Variants in FRMPD4 observed in about 807,000 individuals in gnomAD.
The protein encoded by FRMPD4 is FERM and PDZ domain-containing protein 4.
Under a neutral mutation model 94.1 loss-of-function variants are expected in FRMPD4, and 22 were observed. That is an observed-to-expected ratio of 0.23 (90% CI 0.17 to 0.33). The LOEUF is 0.33. FRMPD4 is among the 10% of genes least tolerant of loss of function. The probability of loss-of-function intolerance (pLI) is 1.00; values close to 1 mark genes in which losing one functional copy is unlikely to be tolerated. For synonymous variants in FRMPD4, 631 were observed against 548.6 expected (o/e 1.15, Z -2.10); for missense variants, 1,111 against 1,339.9 (o/e 0.83, Z 2.67).
intron 1 of FRMPD4, among the ~76,000 whole-genome samples, chrX:12,472,372 C>T (rs748399661): frequency 6.2e-5 from 7 of 112,171 alleles, no homozygotes; most frequent in Non-Finnish European, 1.1e-4. Flanking sequence ...TCTCCCCAAA[C>T]GTAATGATTA....
intron 3 of FRMPD4, among the ~76,000 whole-genome samples, chrX:12,093,148 C>T (rs1290606778): frequency 9.0e-6 from 1 of 111,164 alleles, no homozygotes; most frequent in Non-Finnish European, 1.9e-5. Flanking sequence ...TGGGGAACTG[C>T]CCAGACAGTA....
At chrX:11,885,091 A>G (rs1001223902) in intron 3 of FRMPD4, among the ~76,000 whole-genome samples, 2 of 112,269 alleles carry the variant, frequency 1.8e-5, no homozygotes, top group African/African-American at 3.2e-5. Context: ...TATTTACAGC[A>G]ACATCATTTA....
At chrX:11,825,689 T>C (rs942315459) in intron 1 of FRMPD4, among the ~76,000 whole-genome samples, 1 of 110,874 alleles carries the variant, frequency 9.0e-6, no homozygotes, top group African/African-American at 3.3e-5. Context: ...AGAAAAGGAG[T>C]GAAATCCAAA....
chrX:12,609,802 G>A lies in FRMPD4; in HGVS notation c.240G>A (p.Glu80=). The stretch of plus-strand genomic sequence containing the variant: ...TCCCTCCGGCTCCTCGGAAGGTGGA[G>A]ATGAGAAGGGACCCCGTGCTGGGAT... The part of the protein sequence containing the change: ...QIIPPAPRKV[E]MRRDPVLGFG... The change falls in exon 3 of 17, where the codon GAG becomes GAA. Residue 80 remains glutamate (E), a synonymous_variant. Coordinates refer to ENST00000675598, the MANE Select transcript of FRMPD4 (RefSeq NM_001368397.1). 2 of 1,210,352 alleles carry A rather than the reference G, an allele frequency of 1.7e-6. No homozygotes were observed. The highest frequency in any genetic ancestry group is 1.8e-5 in the South Asian group (1 of 56,928).
At chrX:12,704,887 A>G (rs997638784) in intron 11 of FRMPD4, among the ~76,000 whole-genome samples, 4 of 112,417 alleles carry the variant, frequency 3.6e-5, no homozygotes, top group Admixed American at 2.8e-4. Flanking sequence ...CAGAGGCCAC[A>G]TTAATTAAAC....
chrX:12,037,087 T>A (rs2054724509), intron 3 of FRMPD4, among the ~76,000 whole-genome samples: 1 of 111,780 alleles, frequency 8.9e-6, no homozygotes, highest in African/African-American at 3.2e-5. Flanking sequence ...TACTAGAACT[T>A]TACAGAAAAG....
At chrX:12,366,459 G>A (rs144618389) in intron 1 of FRMPD4, among the ~76,000 whole-genome samples, 1 of 111,104 alleles carries the variant, frequency 9.0e-6, no homozygotes, top group East Asian at 2.8e-4. Flanking sequence ...TGCAGAGGGT[G>A]GACTGGAGGC....
chrX:12,058,477 G>A (rs2054866934), intron 3 of FRMPD4, among the ~76,000 whole-genome samples: 1 of 110,658 alleles, frequency 9.0e-6, no homozygotes, highest in African/African-American at 3.3e-5. Flanking sequence ...GCCCCAACAA[G>A]AGTCAATCAT....
chrX:12,641,939 G>A (rs986158547), intron 4 of FRMPD4, among the ~76,000 whole-genome samples: 8 of 111,842 alleles, frequency 7.2e-5, no homozygotes, highest in Non-Finnish European at 1.5e-4. Context: ...GGAGAACCAA[G>A]TGCAATGAAA....
At chrX:12,353,362 C>T (rs775352099) in intron 1 of FRMPD4, among the ~76,000 whole-genome samples, 202 of 112,119 alleles carry the variant, frequency 1.8e-3, no homozygotes, top group Non-Finnish European at 3.1e-3. Flanking sequence ...TTAGCTCCCA[C>T]TGAACAAACC....
chrX:12,168,367 G>GAA lies in FRMPD4; in HGVS notation c.41+29369_41+29370dup, dbSNP rs36104662. Among the ~76,000 whole-genome samples, 59 of 86,397 alleles carry GAA rather than the reference G, an allele frequency of 6.8e-4. 1 individual carries two copies. The highest frequency in any genetic ancestry group is 1.2e-3 in the Admixed American group (10 of 8,008). 75.0% of individuals were successfully genotyped at this position (86,397 alleles called of 115,157 possible). A position where few individuals can be genotyped will look rare whatever the true frequency, so the allele number is the denominator to read the frequency against. On this transcript the variant is annotated intron_variant, in intron 1 of 16. Transcript: ENST00000675598. ...TAATAGGGATTCAAAGCCAGATTGG[G>GAA]AAAAAAAAAAAAAAACAACTCTCCA...
intron 1 of FRMPD4, among the ~76,000 whole-genome samples, chrX:12,289,911 G>A (rs1050405482): frequency 8.9e-6 from 1 of 112,101 alleles, no homozygotes; most frequent in African/African-American, 3.2e-5. Flanking sequence ...CCTTGGTAAG[G>A]AAGTAATGTC....
At chrX:12,397,999 A>G (rs961098101) in intron 1 of FRMPD4, among the ~76,000 whole-genome samples, 11 of 111,545 alleles carry the variant, frequency 9.9e-5, no homozygotes, top group African/African-American at 3.3e-4. Flanking sequence ...CCCTAGAGCC[A>G]TCATTTGTTG....
chrX:12,486,514 T>C lies in FRMPD4; in HGVS notation c.42-12166T>C, dbSNP rs942904183. On this transcript the variant is annotated intron_variant, in intron 1 of 16. Coordinates refer to ENST00000675598, the MANE Select transcript of FRMPD4 (RefSeq NM_001368397.1). ...ATTCACAGTTGCAGATACATTATCATTGTCAGCTGGAGAAGATTTTGAGAA... is the reference window on the plus strand; with the variant it reads ...ATTCACAGTTGCAGATACATTATCACTGTCAGCTGGAGAAGATTTTGAGAA... 7.1e-5 allele frequency among the ~76,000 whole-genome samples: 8 copies of C among 112,473 alleles called. No homozygotes were observed. In the East Asian group the frequency reaches 8.3e-4, roughly 12 times the overall value.
intron 1 of FRMPD4, among the ~76,000 whole-genome samples, chrX:12,252,267 G>C (rs1420463570): frequency 9.0e-6 from 1 of 111,555 alleles, no homozygotes; most frequent in East Asian, 2.8e-4. Flanking sequence ...GGTATGCACA[G>C]CTTCTCAGCA....
chrX:12,026,807 C>T (rs183517811), intron 3 of FRMPD4, among the ~76,000 whole-genome samples: 452 of 112,218 alleles, frequency 4.0e-3, no homozygotes, highest in Non-Finnish European at 5.9e-3. Flanking sequence ...AACATTAATT[C>T]GTATTTTTCT....
intron 2 of FRMPD4, among the ~76,000 whole-genome samples, chrX:12,598,542 G>A (rs1322208886): frequency 1.8e-5 from 2 of 111,880 alleles, no homozygotes; most frequent in African/African-American, 3.3e-5. Flanking sequence ...AATCATAAGC[G>A]TGAAGCTCTC....
At chrX:12,005,596 T>C (rs1323762610) in intron 3 of FRMPD4, among the ~76,000 whole-genome samples, 1 of 109,832 alleles carries the variant, frequency 9.1e-6, no homozygotes, top group Non-Finnish European at 1.9e-5. Context: ...TGTCCTAGTT[T>C]TTACCCCGAT....
At chrX:12,265,047 A>G (rs1263667240) in intron 1 of FRMPD4, among the ~76,000 whole-genome samples, 1 of 112,214 alleles carries the variant, frequency 8.9e-6, no homozygotes, top group Non-Finnish European at 1.9e-5. Flanking sequence ...ACTTTGCCTT[A>G]ATGTAAAAAC....
Sources: allele counts gnomAD v4.1 joint callset (sites outside exome capture counted in the v4.1 genomes callset), GRCh38; gene constraint gnomAD v4.1.1; transcripts MANE v1.5; gene names NCBI Gene and HGNC (gene_info 2026-07-23, HGNC 2026-07-21).